Variants in GPHN observed in about 807,000 individuals in gnomAD.
GPHN encodes the protein gephyrin.
A neutral mutation model predicts 95.5 loss-of-function variants in GPHN; 17 were observed. That is an observed-to-expected ratio of 0.18 (90% CI 0.12 to 0.27). GPHN has a LOEUF of 0.27. GPHN is among the 10% of genes least tolerant of loss of function. The probability of loss-of-function intolerance (pLI) is 1.00; values close to 1 mark genes in which losing one functional copy is unlikely to be tolerated. For synonymous variants in GPHN, 320 were observed against 322.5 expected (o/e 0.99, Z 0.08); for missense variants, 660 against 978.1 (o/e 0.67, Z 4.34).
At chr14:66,578,654 G>GAAAAAAAAAAAAAAAAAA (rs574302625) in intron 1 of GPHN, among the ~76,000 whole-genome samples, 2 of 59,682 alleles carry the variant, frequency 3.4e-5, no homozygotes, top group Non-Finnish European at 6.5e-5. Context: ...GGGATAGAGT[G>GAAAAAAAAAAAAAAAAAA]AAAAAAAAAA....
rs775804856 is a variant in GPHN, at chr14:67,174,274, C to T, written c.2079+5238C>T. On this transcript the variant is annotated intron_variant, in intron 21 of 22. Transcript: ENST00000478722. ...GGCCCCAGTGTGTGATGTTCCCCTC[C>T]CTGTGTCCGTGTGTTCTCATTGTTC... Among the ~76,000 whole-genome samples, 337 of 150,548 alleles carry T rather than the reference C, an allele frequency of 2.2e-3. 2 individuals are homozygous for T. Among genetic ancestry groups the T allele is most frequent in the Non-Finnish European group, 3.9e-3 (263 of 67,664 alleles).
chr14:66,683,136 AT>A (rs2067044870), intron 2 of GPHN, among the ~76,000 whole-genome samples: 1 of 151,204 alleles, frequency 6.6e-6, no homozygotes, highest in African/African-American at 2.4e-5. Context: ...ATCCTCTTGG[AT>A]TAGTCTAGTA....
the GPHN span, chr14:67,662,568 T>TA: frequency 6.4e-7 from 1 of 1,572,644 alleles, no homozygotes; most frequent in Non-Finnish European, 8.7e-7. Context: ...AAATGCTTAT[T>TA]ACTGTTTCCA....
intron 8 of GPHN, among the ~76,000 whole-genome samples, chr14:66,964,559 G>T (rs2069179986): frequency 6.6e-6 from 1 of 152,218 alleles, no homozygotes; most frequent in Non-Finnish European, 1.5e-5. Context: ...ACCTAATGGG[G>T]CAAAGGGAAG....
At chr14:67,516,182 A>C in the GPHN span, among the ~76,000 whole-genome samples, 2 of 152,160 alleles carry the variant, frequency 1.3e-5, no homozygotes, top group Admixed American at 6.5e-5. Flanking sequence ...AGTGGGAATG[A>C]CAGCCAGCCC....
intron 2 of GPHN, among the ~76,000 whole-genome samples, chr14:66,703,463 A>C (rs992900853): frequency 6.6e-6 from 1 of 152,228 alleles, no homozygotes; most frequent in East Asian, 1.9e-4. Context: ...AAACCCTACA[A>C]GCCAGAAGAG....
the GPHN span, chr14:67,471,229 G>A: frequency 6.6e-6 from 1 of 152,300 alleles, no homozygotes; most frequent in South Asian, 2.1e-4. Context: ...GGCAACTTCT[G>A]GAGCAGCAAG....
intron 2 of GPHN, among the ~76,000 whole-genome samples, chr14:66,721,779 C>T (rs958517474): frequency 7.2e-5 from 11 of 151,956 alleles, no homozygotes; most frequent in Admixed American, 6.6e-4. Context: ...GATGAAACCT[C>T]GTTTCTATCA....
At chr14:67,340,186 T>TA in the GPHN span, 1,244 of 386,836 alleles carry the variant, frequency 3.2e-3, no homozygotes, top group Middle Eastern at 8.2e-3. Flanking sequence ...AACATATATT[T>TA]AAAAAAAAAA....
chr14:66,607,303 GCATC>G (rs1213303827), intron 1 of GPHN, among the ~76,000 whole-genome samples: 6 of 151,878 alleles, frequency 4.0e-5, no homozygotes, highest in Admixed American at 3.3e-4. Flanking sequence ...AACCAACCCT[GCATC>G]CAAGAATACA....
intron 3 of GPHN, among the ~76,000 whole-genome samples, chr14:66,784,914 A>G (rs2059718417): frequency 6.6e-6 from 1 of 152,268 alleles, no homozygotes; most frequent in African/African-American, 2.4e-5. Context: ...AAATATGCCA[A>G]TTAAAAGACA....
chr14:67,417,498 C>T, the GPHN span, among the ~76,000 whole-genome samples: 1 of 151,996 alleles, frequency 6.6e-6, no homozygotes, highest in Non-Finnish European at 1.5e-5. Context: ...ATGGTGCCAT[C>T]ATAGCTCACT....
chr14:66,521,317 C>G (rs1463677431), intron 1 of GPHN, among the ~76,000 whole-genome samples: 2 of 151,898 alleles, frequency 1.3e-5, no homozygotes, highest in Non-Finnish European at 2.9e-5. Context: ...CCTGGCATGA[C>G]TCACATGTCA....
chr14:67,217,255 G>A, the GPHN span, among the ~76,000 whole-genome samples: 19 of 151,416 alleles, frequency 1.3e-4, no homozygotes, highest in African/African-American at 2.7e-4. Context: ...CATTTGCATC[G>A]AATATCTTGT....
intron 10 of GPHN, among the ~76,000 whole-genome samples, chr14:67,045,689 G>T (rs1257035490): frequency 7.0e-6 from 1 of 141,934 alleles, no homozygotes; most frequent in Non-Finnish European, 1.5e-5. Flanking sequence ...CTTGGTCTCA[G>T]TGTCTCTCTC....
At chr14:67,279,657 C>T in the GPHN span, 1 of 998,198 alleles carries the variant, frequency 1.0e-6, no homozygotes, top group Non-Finnish European at 1.4e-6. Flanking sequence ...GAATTCCAGA[C>T]CAAGATCCTT....
intron 5 of GPHN, among the ~76,000 whole-genome samples, chr14:66,884,575 C>T (rs1410133704): frequency 7.9e-6 from 1 of 126,840 alleles, no homozygotes; most frequent in Non-Finnish European, 1.5e-5. Context: ...TTATTCCCTA[C>T]TTGTTTTTTT....
At chr14:67,374,451 A>C in the GPHN span, 6 of 1,553,990 alleles carry the variant, frequency 3.9e-6, no homozygotes, top group Middle Eastern at 3.4e-4. Context: ...TGATTTTTTC[A>C]CAATTTTTTT....
intron 2 of GPHN, among the ~76,000 whole-genome samples, chr14:66,720,415 G>A (rs1273080291): frequency 6.6e-6 from 1 of 152,126 alleles, no homozygotes; most frequent in African/African-American, 2.4e-5. Context: ...TTTGCTGGGG[G>A]TGGTTGTGCA....
Sources: allele counts gnomAD v4.1 joint callset (sites outside exome capture counted in the v4.1 genomes callset), GRCh38; gene constraint gnomAD v4.1.1; transcripts MANE v1.5; gene names NCBI Gene and HGNC (gene_info 2026-07-23, HGNC 2026-07-21).